Variants in TM7SF3 observed in about 807,000 individuals in gnomAD.
The protein encoded by TM7SF3 is transmembrane 7 superfamily member 3, also known as seven span transmembrane protein.
In TM7SF3, 60 loss-of-function variants were observed where a neutral mutation model predicts 65.5. The ratio of observed to expected loss-of-function variants is 0.92; its 90% CI spans 0.74 to 1.14. TM7SF3 has a LOEUF of 1.14. TM7SF3 is among the 50% of genes most tolerant of loss of function. TM7SF3 has a pLI of 0.00. For synonymous variants in TM7SF3, 264 were observed against 259.6 expected (o/e 1.02, Z -0.16); for missense variants, 623 against 684.8 (o/e 0.91, Z 1.01).
chr12:26,989,080 T>C (rs941390365), intron 6 of TM7SF3, among the ~76,000 whole-genome samples: 12 of 152,188 alleles, frequency 7.9e-5, no homozygotes, highest in Non-Finnish European at 1.2e-4. Context: ...CAAGTATTTA[T>C]GTAATCAATA....
intron 2 of TM7SF3, among the ~76,000 whole-genome samples, chr12:27,002,205 G>A (rs746558770): frequency 6.6e-6 from 1 of 152,116 alleles, no homozygotes; most frequent in Non-Finnish European, 1.5e-5. Flanking sequence ...GCTCATGCCT[G>A]CAATCCCAGC....
At chr12:27,007,146 CT>C (rs1205643452) in intron 1 of TM7SF3, among the ~76,000 whole-genome samples, 2 of 152,210 alleles carry the variant, frequency 1.3e-5, no homozygotes, top group Non-Finnish European at 2.9e-5. Flanking sequence ...GTCTTTGCTT[CT>C]GAATTCTTCT....
intron 1 of TM7SF3, among the ~76,000 whole-genome samples, chr12:27,011,382 A>C (rs1055777531): frequency 2.0e-5 from 3 of 152,234 alleles, no homozygotes; most frequent in Non-Finnish European, 4.4e-5. Flanking sequence ...CTGGGACTCC[A>C]AGAGAAGGGA....
chr12:26,979,886 C>T lies in TM7SF3; in HGVS notation c.1087G>A (p.Val363Ile). The T allele has an allele frequency of 1.2e-6, 2 of 1,614,190 alleles. No homozygotes were observed. Among genetic ancestry groups the T allele is most frequent in the Non-Finnish European group, 8.5e-7 (1 of 1,180,018 alleles). Residue 363 changes from valine to isoleucine, a missense_variant, in exon 9 of 12, where the codon GTA (valine) becomes ATA (isoleucine). Physicochemically the swap from Val to Ile is conservative, Grantham distance 29. Coordinates refer to ENST00000343028, the MANE Select transcript of TM7SF3 (RefSeq NM_016551.3). ...VTGSVGGMFL[V>I]AVWWRFGILS... is the part of the protein sequence containing the mutation. ...ATTCCAAATCGCCACCACACAGCTACCAAGAACATTCCACCGACGCTTCCA... is the reference window on the plus strand; with the variant it reads ...ATTCCAAATCGCCACCACACAGCTATCAAGAACATTCCACCGACGCTTCCA...
Position 26,995,320 on chromosome 12 carries a change from C to A in TM7SF3, c.607G>T (p.Glu203Ter). Residue 203 changes from glutamate (E) to a stop codon, truncating the protein, a stop_gained, in exon 5 of 12, where the codon GAG becomes TAG. Coordinates refer to ENST00000343028, the MANE Select transcript of TM7SF3 (RefSeq NM_016551.3). LOFTEE classifies it high-confidence loss of function. ...AACATCTCCTCAGTGAGGTCATTCTCAGGCAGAAAATACTGATAGACATCA... is the reference window on the plus strand; with the variant it reads ...AACATCTCCTCAGTGAGGTCATTCTAAGGCAGAAAATACTGATAGACATCA... ...QYDVYQYFLPENDLTEEMLLK... is the reference protein window; with the variant it reads ...QYDVYQYFLP 2 of 1,614,178 alleles carry A rather than the reference C, an allele frequency of 1.2e-6. No individual in the cohort carries two copies. Among genetic ancestry groups the A allele is most frequent in the Non-Finnish European group, 1.7e-6 (2 of 1,180,046 alleles).
chr12:26,976,177 A>G (rs1331574855), intron 10 of TM7SF3, 83 bp downstream of exon 10: 2 of 1,092,950 alleles, frequency 1.8e-6, no homozygotes, highest in Non-Finnish European at 2.8e-6. Context: ...AGTGAATAAA[A>G]CATGCAAAAT....
intron 1 of TM7SF3, among the ~76,000 whole-genome samples, chr12:27,004,237 A>T (rs928016991): frequency 3.3e-5 from 5 of 152,074 alleles, no homozygotes; most frequent in African/African-American, 1.2e-4. Flanking sequence ...TAATCCTTTA[A>T]TTAGGTTGCT....
chr12:26,990,694 A>C, intron 5 of TM7SF3, 67 bp from the exon 6 acceptor site: 1 of 1,212,124 alleles, frequency 8.2e-7, no homozygotes, highest in Non-Finnish European at 1.2e-6. Flanking sequence ...TGATAATCCC[A>C]CCTACGTGTA....
rs757148338 is a variant in TM7SF3, at chr12:27,014,028, G to A, written c.91+50C>T. On this transcript the variant is annotated intron_variant, in intron 1 of 11. Coordinates refer to ENST00000343028, the MANE Select transcript of TM7SF3 (RefSeq NM_016551.3). ...CCCCTGGCGGATTTTGACCTCGCAAGAAATGCAAAAGCAACTTTGGGTTGC... is the reference window on the plus strand; with the variant it reads ...CCCCTGGCGGATTTTGACCTCGCAAAAAATGCAAAAGCAACTTTGGGTTGC... 7 of 1,496,100 alleles carry A rather than the reference G, an allele frequency of 4.7e-6. No individual in the cohort carries two copies. In the South Asian group the frequency reaches 7.2e-5, roughly 15 times the overall value. 92.7% of individuals were successfully genotyped at this position (1,496,100 alleles called of 1,614,324 possible). A position where few individuals can be genotyped will look rare whatever the true frequency, so the allele number is the denominator to read the frequency against.
rs547279671 is a variant in TM7SF3, at chr12:27,003,384, A to G, written c.98T>C (p.Ile33Thr). Residue 33 changes from isoleucine (I) to threonine (T), a missense_variant, in exon 2 of 12, where the codon ATT becomes ACT. Coordinates refer to ENST00000343028, the MANE Select transcript of TM7SF3 (RefSeq NM_016551.3). ...EVFGNSSEGL[I>T]EFSVGKFRYF... The stretch of plus-strand genomic sequence containing the variant: ...TCTAAATTTCCCCACAGAAAATTCA[A>G]TAAGACCTACAACGAGATAAACTTT... The G allele has an allele frequency of 5.0e-6, 8 of 1,610,968 alleles. No homozygotes were observed. The South Asian group carries it at 5.5e-5, about 11-fold the overall frequency.
chr12:27,006,732 A>G (rs2136451121), intron 1 of TM7SF3, among the ~76,000 whole-genome samples: 1 of 152,326 alleles, frequency 6.6e-6, no homozygotes, highest in Admixed American at 6.5e-5. Flanking sequence ...AATATGTTTG[A>G]TATTGCCCAT....
Position 26,996,727 on chromosome 12 carries a change from G to A in TM7SF3, c.518+15C>T, listed in dbSNP as rs751258968. 1.9e-6 allele frequency: 3 copies of A among 1,602,556 alleles called. No individual in the cohort carries two copies. The highest frequency in any genetic ancestry group is 2.6e-6 in the Non-Finnish European group (3 of 1,176,406). ...TATTCTAAAAGCATTTCTCAGACAT[G>A]GGAGACAGACGTACCTCGCATAGCC... On this transcript the variant is annotated intron_variant, in intron 4 of 11. Transcript: ENST00000343028.
chr12:27,009,002 C>T (rs1210049662), intron 1 of TM7SF3, among the ~76,000 whole-genome samples: 1 of 152,174 alleles, frequency 6.6e-6, no homozygotes, highest in South Asian at 2.1e-4. Context: ...TAAGTTTATA[C>T]AAATAAAATA....
intron 3 of TM7SF3, among the ~76,000 whole-genome samples, chr12:26,998,392 T>C (rs1310932361): frequency 6.6e-6 from 1 of 152,102 alleles, no homozygotes; most frequent in African/African-American, 2.4e-5. Context: ...AGGCCCTTAT[T>C]TAAATTATGT....
intron 5 of TM7SF3, among the ~76,000 whole-genome samples, chr12:26,991,014 T>C (rs1478640533): frequency 6.6e-6 from 1 of 152,176 alleles, no homozygotes; most frequent in South Asian, 2.1e-4. Context: ...AGAGGATGTG[T>C]CCAATGTTAG....
rs1017621388 is a variant in TM7SF3, at chr12:26,972,686, G to A, written c.*1279C>T. The A allele has an allele frequency of 1.2e-4, 18 of 152,018 alleles. No homozygotes were observed. The highest frequency in any genetic ancestry group is 1.1e-3 in the Admixed American group (17 of 15,260). 9.4% of individuals were successfully genotyped at this position (152,018 alleles called of 1,614,324 possible). On this transcript the variant is annotated 3_prime_UTR_variant, in exon 12 of 12. Transcript: ENST00000343028. The stretch of plus-strand genomic sequence containing the variant: ...GCTGGTCTCGAACTCCTGACCCCAG[G>A]TGATCCACCCGCCTCGACCTCCCAA...
At chr12:26,990,663 G>T in intron 5 of TM7SF3, 36 bp from the exon 6 acceptor site, 1 of 1,557,858 alleles carries the variant, frequency 6.4e-7, no homozygotes, top group Non-Finnish European at 8.8e-7. Flanking sequence ...AGTGTTTAGG[G>T]GATTTTTTTA....
intron 6 of TM7SF3, among the ~76,000 whole-genome samples, chr12:26,983,105 G>A (rs1035942436): frequency 2.0e-5 from 3 of 151,978 alleles, no homozygotes; most frequent in Admixed American, 6.6e-5. Flanking sequence ...TGCTGATAGC[G>A]GTATGGAACA....
chr12:26,983,036 A>G (rs1295017363), intron 6 of TM7SF3, among the ~76,000 whole-genome samples, 177 bp from the exon 7 acceptor site: 2 of 152,166 alleles, frequency 1.3e-5, no homozygotes, highest in African/African-American at 4.8e-5. Context: ...GAACCTATGT[A>G]GACAATCAAT....
Sources: gnomAD v4.1 joint callset for allele counts (sites outside exome capture counted in the v4.1 genomes callset) on GRCh38, gnomAD v4.1.1 for gene constraint, MANE v1.5 for transcripts, NCBI Gene and HGNC (gene_info 2026-07-23, HGNC 2026-07-21) for gene names.